BBS9: variants seen among roughly 807,000 people sequenced by gnomAD.
The protein encoded by BBS9 is Bardet-Biedl syndrome 9.
Under a neutral mutation model 117.7 loss-of-function variants are expected in BBS9, and 89 were observed. That is an observed-to-expected ratio of 0.76 (90% CI 0.64 to 0.90). The LOEUF (loss-of-function observed/expected upper bound fraction) is 0.90, where lower values mean the gene tolerates loss of function less well. Among genes scored for constraint, BBS9 ranks in the 40% least tolerant of loss-of-function variants. The probability of loss-of-function intolerance (pLI) is 0.00; values close to 1 mark genes in which losing one functional copy is unlikely to be tolerated. For missense variants in BBS9, 982 were observed against 1,042.2 expected, an observed-to-expected ratio of 0.94 and a Z score of 0.80; for synonymous variants, 379 against 370.9, an observed-to-expected ratio of 1.02 and a Z score of -0.25.
intron 19 of BBS9, among the ~76,000 whole-genome samples, chr7:33,412,453 GC>G (rs781541241): frequency 3.3e-4 from 50 of 152,294 alleles, no homozygotes; most frequent in Admixed American, 3.3e-4. Context: ...TTCTGTTTCT[GC>G]CAGTAATTTC....
At chr7:33,273,276 A>C (rs999635680) in intron 8 of BBS9, 81 bp downstream of exon 8, 8 of 1,366,898 alleles carry the variant, frequency 5.9e-6, no homozygotes, top group Middle Eastern at 2.0e-4. Flanking sequence ...ACTCATACAC[A>C]TATTGTAAAC....
At chr7:33,399,318 G>A (rs1828530787) in intron 19 of BBS9, among the ~76,000 whole-genome samples, 1 of 152,124 alleles carries the variant, frequency 6.6e-6, no homozygotes. Context: ...TGAATAGCAG[G>A]CAGTTGTGAA....
At chr7:33,228,746 TA>T (rs1414030948) in intron 5 of BBS9, among the ~76,000 whole-genome samples, 3 of 152,206 alleles carry the variant, frequency 2.0e-5, no homozygotes, top group Admixed American at 6.5e-5. Context: ...TCATTGAGTC[TA>T]AGTGGGTTAT....
chr7:33,338,573 A>C lies in BBS9; in HGVS notation c.1198+1951A>C, dbSNP rs565193396. ...AGCAAAATTTAAAGCCAGTTTAAAG[A>C]GTACATTTTGTTGTACACATGGTGT... On this transcript the variant is annotated intron_variant, in intron 10 of 22. Transcript: ENST00000242067. Among the ~76,000 whole-genome samples, 7 of 152,340 alleles carry C rather than the reference A, an allele frequency of 4.6e-5. No individual in the cohort carries two copies. In the East Asian group the frequency reaches 1.2e-3, roughly 25 times the overall value.
intron 16 of BBS9, among the ~76,000 whole-genome samples, chr7:33,362,574 A>G (rs1820821953): frequency 1.3e-5 from 2 of 152,146 alleles, no homozygotes; most frequent in Admixed American, 1.3e-4. Context: ...GACCACATTT[A>G]TGTGGGTGTA....
At chr7:33,278,845 C>T (rs1247588070) in intron 9 of BBS9, among the ~76,000 whole-genome samples, 5 of 152,160 alleles carry the variant, frequency 3.3e-5, no homozygotes, top group Admixed American at 3.3e-4. Context: ...GATAAGCCCC[C>T]AAATTTGTAA....
chr7:33,215,458 A>G (rs748615217), intron 5 of BBS9, among the ~76,000 whole-genome samples: 1 of 152,262 alleles, frequency 6.6e-6, no homozygotes, highest in Non-Finnish European at 1.5e-5. Flanking sequence ...GAATGAAACT[A>G]GACTCCTGTC....
At chr7:33,159,883 C>CA (rs1794600143) in intron 4 of BBS9, among the ~76,000 whole-genome samples, 1 of 152,176 alleles carries the variant, frequency 6.6e-6, no homozygotes, top group African/African-American at 2.4e-5. Flanking sequence ...GCTTCTTAGC[C>CA]AGGGTCCCCA....
At chr7:33,609,005 T>C (rs1230641272), downstream of BBS9, among the ~76,000 whole-genome samples, 1 of 152,156 alleles carries the variant, frequency 6.6e-6, no homozygotes, top group Non-Finnish European at 1.5e-5. Context: ...TACATTTAAA[T>C]CTTTTATCCA....
intron 21 of BBS9, among the ~76,000 whole-genome samples, chr7:33,627,707 T>C (rs950838788): frequency 2.0e-5 from 3 of 152,192 alleles, no homozygotes; most frequent in African/African-American, 7.2e-5. Context: ...AAGCCGATAG[T>C]GATCAAGTAA....
chr7:33,234,950 C>G (rs1410990682), intron 5 of BBS9, among the ~76,000 whole-genome samples: 1 of 146,956 alleles, frequency 6.8e-6, no homozygotes, highest in African/African-American at 2.4e-5. Flanking sequence ...ATAATATAAT[C>G]ATTTTTTCTC....
chr7:33,136,704 A>G (rs1790518181), intron 1 of BBS9, among the ~76,000 whole-genome samples: 1 of 152,150 alleles, frequency 6.6e-6, no homozygotes, highest in Non-Finnish European at 1.5e-5. Context: ...AATACTTTTT[A>G]TATATTATTG....
intron 9 of BBS9, among the ~76,000 whole-genome samples, chr7:33,320,806 CGTT>C (rs1354707599): frequency 2.0e-5 from 3 of 151,950 alleles, no homozygotes; most frequent in Non-Finnish European, 4.4e-5. Flanking sequence ...GATTATATCT[CGTT>C]GTAGTCCTGA....
chr7:33,219,824 C>T (rs1034317414), intron 5 of BBS9, among the ~76,000 whole-genome samples: 2 of 152,124 alleles, frequency 1.3e-5, no homozygotes, highest in South Asian at 2.1e-4. Flanking sequence ...CGCTGGGGTC[C>T]CCTTCCACAC....
At chr7:33,189,339 A>G (rs1188212238) in intron 5 of BBS9, among the ~76,000 whole-genome samples, 1 of 152,086 alleles carries the variant, frequency 6.6e-6, no homozygotes, top group Non-Finnish European at 1.5e-5. Context: ...TTTTAAAATT[A>G]TGTTGTTTTG....
intron 20 of BBS9, among the ~76,000 whole-genome samples, chr7:33,528,871 G>T (rs1006956718): frequency 6.6e-6 from 1 of 152,166 alleles, no homozygotes; most frequent in African/African-American, 2.4e-5. Flanking sequence ...TTGTGCTTTG[G>T]TTACTTTGGT....
intron 9 of BBS9, among the ~76,000 whole-genome samples, chr7:33,332,999 C>T (rs1366119108): frequency 7.9e-5 from 12 of 152,062 alleles, no homozygotes; most frequent in Admixed American, 7.9e-4. Context: ...TCAACCCCCT[C>T]CCCCAGCCCC....
At chr7:33,444,078 C>G (rs1326196918) in intron 19 of BBS9, among the ~76,000 whole-genome samples, 1 of 152,126 alleles carries the variant, frequency 6.6e-6, no homozygotes, top group African/African-American at 2.4e-5. Flanking sequence ...TCAACTTTGC[C>G]TTTTGAAGGG....
At position 33,381,020 on chromosome 7, in the gene BBS9, A is replaced by G. The variant is rs928749001; in HGVS notation, c.1790-2646A>G. 3 of 152,312 alleles carry G rather than the reference A, an allele frequency of 2.0e-5. No homozygotes were observed. The East Asian group carries it at 5.8e-4, about 29-fold the overall frequency. The allele number at this position is 152,312 out of a possible 1,614,324, so 9.4% of individuals were successfully genotyped here. On this transcript the variant is annotated intron_variant, in intron 17 of 22. Transcript: ENST00000242067. ...TCTTTCACACCGAGTTCTGCAACTC[A>G]CAGGTGGACTTTCAAGAAAATACCA...
Sources: gnomAD v4.1 joint callset for allele counts (sites outside exome capture counted in the v4.1 genomes callset) on GRCh38, gnomAD v4.1.1 for gene constraint, MANE v1.5 for transcripts, NCBI Gene and HGNC (gene_info 2026-07-23, HGNC 2026-07-21) for gene names.